The following LRRC69 variants were observed in gnomAD, a reference collection of about 807,000 sequenced individuals.
LRRC69 encodes leucine-rich repeat-containing protein 69.
LRRC69 carries 42 observed loss-of-function variants against 37.8 expected under a neutral mutation model. That is an observed-to-expected ratio of 1.11 (90% CI 0.87 to 1.44). The LOEUF is 1.44. Among genes scored for constraint, LRRC69 ranks in the 40% most tolerant of loss-of-function variants. The probability of loss-of-function intolerance (pLI) is 0.00; values close to 1 mark genes in which losing one functional copy is unlikely to be tolerated. For synonymous variants in LRRC69, 141 were observed against 143.1 expected, an observed-to-expected ratio of 0.99 and a Z score of 0.11; for missense variants, 357 against 401.9, an observed-to-expected ratio of 0.89 and a Z score of 0.96.
chr8:91,203,084 G>A (rs2130632097), intron 7 of LRRC69, among the ~76,000 whole-genome samples: 1 of 152,204 alleles, frequency 6.6e-6, no homozygotes, highest in African/African-American at 2.4e-5. Flanking sequence ...TAGAAGTTCT[G>A]TTTTTGCACA....
chr8:91,203,700 C>T (rs1467446971), intron 7 of LRRC69, among the ~76,000 whole-genome samples: 3 of 151,836 alleles, frequency 2.0e-5, no homozygotes, highest in African/African-American at 7.3e-5. Flanking sequence ...CGCCCAGCCT[C>T]AGTGTATCTT....
At chr8:91,122,081 A>G (rs1813633692) in intron 1 of LRRC69, among the ~76,000 whole-genome samples, 1 of 152,240 alleles carries the variant, frequency 6.6e-6, no homozygotes, top group Admixed American at 6.5e-5. Flanking sequence ...CTCTTATGTA[A>G]GAACTTACCA....
intron 7 of LRRC69, among the ~76,000 whole-genome samples, chr8:91,217,673 G>C (rs1810078467): frequency 1.3e-5 from 2 of 152,170 alleles, no homozygotes; most frequent in African/African-American, 4.8e-5. Flanking sequence ...CACTGAGATT[G>C]GAGGAGTGGT....
At chr8:91,110,908 A>G (rs1172887463) in intron 1 of LRRC69, among the ~76,000 whole-genome samples, 2 of 152,182 alleles carry the variant, frequency 1.3e-5, no homozygotes, top group African/African-American at 4.8e-5. Flanking sequence ...AAGCTGGGCA[A>G]ATTAGAACAG....
At chr8:91,186,477 C>A (rs1809409876) in intron 5 of LRRC69, among the ~76,000 whole-genome samples, 1 of 151,976 alleles carries the variant, frequency 6.6e-6, no homozygotes, top group African/African-American at 2.4e-5. Context: ...AAGATACAGG[C>A]CTGTCATGAG....
Position 91,183,197 on chromosome 8 carries a change from T to C in LRRC69, c.652-6325T>C, listed in dbSNP as rs569035511. ...TTTAAGGACAATGGAAATCTCAGAG[T>C]TTTATGTAGGTGGTGACATAATCAG... On this transcript the variant is annotated intron_variant, in intron 5 of 7. Coordinates refer to ENST00000448384, the Ensembl canonical transcript of LRRC69. Among the ~76,000 whole-genome samples, 15 of 152,270 alleles carry C rather than the reference T, an allele frequency of 9.9e-5. 1 individual carries two copies. The South Asian group carries it at 2.7e-3, about 27-fold the overall frequency.
intron 1 of LRRC69, among the ~76,000 whole-genome samples, chr8:91,114,520 A>T (rs956686358): frequency 2.6e-5 from 4 of 151,940 alleles, no homozygotes; most frequent in African/African-American, 4.8e-5. Flanking sequence ...TTAACAGTGA[A>T]CCACATATAT....
At chr8:91,192,153 T>G (rs923117411) in intron 6 of LRRC69, among the ~76,000 whole-genome samples, 34 of 152,250 alleles carry the variant, frequency 2.2e-4, no homozygotes, top group African/African-American at 7.2e-4. Flanking sequence ...ATTTCATCCA[T>G]GTCCCTACAA....
At chr8:91,191,111 A>G (rs1809489029) in intron 6 of LRRC69, among the ~76,000 whole-genome samples, 1 of 148,168 alleles carries the variant, frequency 6.7e-6, no homozygotes, top group South Asian at 2.2e-4. Flanking sequence ...CTCATAGTAC[A>G]TTTTTAGTTC....
At chr8:91,210,979 G>A (rs989244016) in intron 7 of LRRC69, among the ~76,000 whole-genome samples, 1 of 152,070 alleles carries the variant, frequency 6.6e-6, no homozygotes, top group Non-Finnish European at 1.5e-5. Flanking sequence ...GAACTATTGA[G>A]AGCTAAAGAT....
At chr8:91,117,100 G>A (rs1235034410) in intron 1 of LRRC69, among the ~76,000 whole-genome samples, 1 of 151,944 alleles carries the variant, frequency 6.6e-6, no homozygotes, top group Non-Finnish European at 1.5e-5. Flanking sequence ...AGTATTTGGA[G>A]CAAGTATACA....
At chr8:91,213,859 G>A (rs1355308677) in intron 7 of LRRC69, among the ~76,000 whole-genome samples, 1 of 152,138 alleles carries the variant, frequency 6.6e-6, no homozygotes, top group East Asian at 1.9e-4. Context: ...AGTTAGGTTG[G>A]TTTGTGGATA....
intron 1 of LRRC69, among the ~76,000 whole-genome samples, chr8:91,108,300 C>T (rs532705212): frequency 7.2e-5 from 11 of 152,042 alleles, no homozygotes; most frequent in Non-Finnish European, 1.3e-4. Flanking sequence ...TTCATTCATT[C>T]ATACATTAAA....
intron 5 of LRRC69, among the ~76,000 whole-genome samples, chr8:91,166,492 G>GAAAAAAAAA (rs66705016): frequency 3.1e-5 from 3 of 95,252 alleles, no homozygotes; most frequent in African/African-American, 1.5e-4. Context: ...AAAATAAACT[G>GAAAAAAAAA]AAAAAAAAAA....
chr8:91,168,505 A>C (rs759328774), intron 5 of LRRC69, among the ~76,000 whole-genome samples: 2 of 151,894 alleles, frequency 1.3e-5, no homozygotes, highest in Non-Finnish European at 2.9e-5. Context: ...GACAGACTTT[A>C]TCTCTTGCCC....
intron 5 of LRRC69, among the ~76,000 whole-genome samples, chr8:91,155,163 A>G (rs1808811415): frequency 6.6e-6 from 1 of 151,512 alleles, no homozygotes; most frequent in Non-Finnish European, 1.5e-5. Flanking sequence ...AATACAGCTA[A>G]CAAAGGATGT....
chr8:91,196,478 A>C (rs980075287), intron 6 of LRRC69, among the ~76,000 whole-genome samples: 1 of 152,094 alleles, frequency 6.6e-6, no homozygotes, highest in South Asian at 2.1e-4. Flanking sequence ...ACTTTCAGGT[A>C]CACCAAGCAG....
At chr8:91,199,770 T>C in intron 6 of LRRC69, among the ~76,000 whole-genome samples, 1 of 152,188 alleles carries the variant, frequency 6.6e-6, no homozygotes, top group Non-Finnish European at 1.5e-5. Flanking sequence ...GAAAATTTAA[T>C]GGATTCAGGC....
At chr8:91,195,603 C>A (rs1218881237) in intron 6 of LRRC69, among the ~76,000 whole-genome samples, 1 of 151,102 alleles carries the variant, frequency 6.6e-6, no homozygotes, top group East Asian at 1.9e-4. Flanking sequence ...ATGTAATGGC[C>A]TTCTTTGTCT....
Sources: gnomAD v4.1 joint callset for allele counts (sites outside exome capture counted in the v4.1 genomes callset) on GRCh38, gnomAD v4.1.1 for gene constraint, MANE v1.5 for transcripts, NCBI Gene and HGNC (gene_info 2026-07-23, HGNC 2026-07-21) for gene names.